The following ABHD3 variants were observed in gnomAD, a reference collection of about 807,000 sequenced individuals.
ABHD3 encodes phospholipase ABHD3.
A neutral mutation model predicts 48.8 loss-of-function variants in ABHD3; 46 were observed. The ratio of observed to expected loss-of-function variants is 0.94; its 90% CI spans 0.74 to 1.20. ABHD3 has a LOEUF of 1.20. Ranked by LOEUF, ABHD3 falls within the 50% of genes most tolerant of loss-of-function variation. The pLI, the probability that ABHD3 is intolerant of heterozygous loss-of-function variation, is 0.00. For synonymous variants in ABHD3, 192 were observed against 183.7 expected, an observed-to-expected ratio of 1.04 and a Z score of -0.36; for missense variants, 490 against 497.8, an observed-to-expected ratio of 0.98 and a Z score of 0.15.
chr18:21,694,053 T>A (rs2040312102), intron 3 of ABHD3, among the ~76,000 whole-genome samples: 1 of 152,166 alleles, frequency 6.6e-6, no homozygotes, highest in Non-Finnish European at 1.5e-5. Context: ...TCAAATGACA[T>A]TTACTTGCTA....
intron 4 of ABHD3, among the ~76,000 whole-genome samples, chr18:21,675,514 A>G (rs1251556213): frequency 1.3e-5 from 2 of 151,658 alleles, no homozygotes; most frequent in Non-Finnish European, 2.9e-5. Context: ...TGATCCACCC[A>G]CCTTGGCCTC....
intron 4 of ABHD3, among the ~76,000 whole-genome samples, chr18:21,676,148 G>A (rs1040841530): frequency 2.6e-5 from 4 of 152,142 alleles, no homozygotes; most frequent in Non-Finnish European, 5.9e-5. Flanking sequence ...GAATGCTGGG[G>A]CAGGGAACAC....
intron 3 of ABHD3, among the ~76,000 whole-genome samples, chr18:21,690,885 C>T (rs1275516050): frequency 6.7e-6 from 1 of 150,370 alleles, no homozygotes; most frequent in Non-Finnish European, 1.5e-5. Context: ...ATCTCAGCTA[C>T]TTGGGAGGCT....
intron 3 of ABHD3, among the ~76,000 whole-genome samples, chr18:21,687,294 C>T (rs868288707): frequency 1.3e-5 from 2 of 151,906 alleles, no homozygotes; most frequent in African/African-American, 2.4e-5. Context: ...CTGCAAGCTC[C>T]GCCTCCTGGG....
At position 21,693,247 on chromosome 18, in the gene ABHD3, G is replaced by C. The variant is rs572076709; in HGVS notation, c.509+9069C>G. ...TAACAAAATGTTTGCCATAGGCCCT[G>C]TACTAGTCAACATTCTTTATACACA... is the stretch of plus-strand genomic sequence containing the variant. On this transcript the variant is annotated intron_variant, in intron 3 of 8. Transcript: ENST00000289119. Among the ~76,000 whole-genome samples, 8 of 152,336 alleles carry C rather than the reference G, an allele frequency of 5.3e-5. 1 individual carries two copies. The South Asian group carries it at 1.7e-3, about 32-fold the overall frequency.
At chr18:21,658,499 A>G (rs2039407388) in intron 6 of ABHD3, among the ~76,000 whole-genome samples, 1 of 152,208 alleles carries the variant, frequency 6.6e-6, no homozygotes, top group African/African-American at 2.4e-5. Flanking sequence ...AACACATTCC[A>G]TACTAACATT....
chr18:21,703,908 C>G (rs1007973015), intron 1 of ABHD3, 161 bp from the exon 2 acceptor site: 6 of 701,868 alleles, frequency 8.5e-6, no homozygotes, highest in Non-Finnish European at 1.2e-5. Context: ...AGGACTGAAA[C>G]GGGGGTTTCG....
At position 21,665,254 on chromosome 18, in the gene ABHD3, T is replaced by C. The variant is rs370020225; in HGVS notation, c.556-1024A>G. On this transcript the variant is annotated intron_variant, in intron 4 of 8. Transcript: ENST00000289119. ...GCCACCACGTCTGGCCAAAAAAAAT[T>C]TTTTTGAGACATGGTCCTGCTCTGT... 2.5e-4 allele frequency among the ~76,000 whole-genome samples: 38 copies of C among 151,926 alleles called. No individual in the cohort carries two copies. The East Asian group carries it at 7.4e-3, about 30-fold the overall frequency.
At chr18:21,689,841 G>C (rs1204711064) in intron 3 of ABHD3, among the ~76,000 whole-genome samples, 2 of 152,100 alleles carry the variant, frequency 1.3e-5, no homozygotes, top group African/African-American at 4.8e-5. Context: ...TGAAGTTTGA[G>C]TGCAGCCAAG....
In ABHD3 at chr18:21,704,496, C is replaced by T. The variant is rs1248148586; in HGVS notation, c.162+8G>A. The T allele has an allele frequency of 1.4e-6, 2 of 1,412,750 alleles. No homozygotes were observed. Among genetic ancestry groups the T allele is most frequent in the Admixed American group, 5.7e-5 (2 of 35,144 alleles). 87.5% of individuals were successfully genotyped at this position (1,412,750 alleles called of 1,614,324 possible). On this transcript the variant is annotated splice_region_variant and intron_variant, in intron 1 of 8. Transcript: ENST00000289119. ...GCAGCCCGCGGCCCTGCGCCACCCC[C>T]GGCTCACCTTGGCAATGCTGCTCAG... is the stretch of plus-strand genomic sequence containing the variant.
At position 21,656,828 on chromosome 18, in the gene ABHD3, A is replaced by G. The variant is rs935198798; in HGVS notation, c.1057+33T>C. 1.1e-5 allele frequency: 17 copies of G among 1,516,492 alleles called. No homozygotes were observed. In the Admixed American group the frequency reaches 3.5e-4, roughly 31 times the overall value. The allele number at this position is 1,516,492 out of a possible 1,614,324, so 93.9% of individuals were successfully genotyped here. On this transcript the variant is annotated intron_variant, in intron 8 of 8. Transcript: ENST00000289119. Reference sequence around the variant, plus strand: ...ATAACAATATATTAAAAGTTGATTCATGTCAAAATATATACAAATATGTTA... The same window carrying G: ...ATAACAATATATTAAAAGTTGATTCGTGTCAAAATATATACAAATATGTTA...
At chr18:21,695,391 T>C (rs2040347824) in intron 3 of ABHD3, among the ~76,000 whole-genome samples, 1 of 152,148 alleles carries the variant, frequency 6.6e-6, no homozygotes, top group Non-Finnish European at 1.5e-5. Flanking sequence ...CAAGCAAAAG[T>C]GGTGTGCACA....
chr18:21,661,102 TAAAA>T (rs35710540), intron 5 of ABHD3, among the ~76,000 whole-genome samples: 2 of 57,224 alleles, frequency 3.5e-5, no homozygotes, highest in Admixed American at 2.1e-4. Flanking sequence ...AACTACAAGC[TAAAA>T]AAAAAAAAAA....
chr18:21,691,844 A>C (rs1344056813), intron 3 of ABHD3, among the ~76,000 whole-genome samples: 1 of 152,232 alleles, frequency 6.6e-6, no homozygotes, highest in Admixed American at 6.5e-5. Context: ...TAAGAGCCTA[A>C]GGCATCCAAG....
intron 4 of ABHD3, among the ~76,000 whole-genome samples, chr18:21,676,771 A>T (rs533164758): frequency 6.6e-6 from 1 of 152,246 alleles, no homozygotes; most frequent in South Asian, 2.1e-4. Flanking sequence ...GAGTTGGTCC[A>T]CAGGATACAT....
At chr18:21,699,783 C>T (rs985027967) in intron 3 of ABHD3, among the ~76,000 whole-genome samples, 1 of 152,042 alleles carries the variant, frequency 6.6e-6, no homozygotes, top group African/African-American at 2.4e-5. Flanking sequence ...CGGGTTTAAG[C>T]GATTCTCCCT....
chr18:21,689,714 A>G (rs2040205179), intron 3 of ABHD3, among the ~76,000 whole-genome samples: 2 of 152,134 alleles, frequency 1.3e-5, no homozygotes, highest in African/African-American at 4.8e-5. Context: ...AGCTGGGCCC[A>G]AATCTCTAGT....
chr18:21,700,374 G>C (rs1413937252), intron 3 of ABHD3, among the ~76,000 whole-genome samples: 1 of 151,892 alleles, frequency 6.6e-6, no homozygotes, highest in Non-Finnish European at 1.5e-5. Flanking sequence ...ACAGGCGTGA[G>C]CCACTGTACC....
At chr18:21,657,249 G>A in intron 6 of ABHD3, 97 bp from the exon 7 acceptor site, 2 of 1,100,122 alleles carry the variant, frequency 1.8e-6, no homozygotes, top group Non-Finnish European at 2.6e-6. Context: ...CCTACCACAG[G>A]GCACAAAGTT....
Sources: gnomAD v4.1 joint callset for allele counts (sites outside exome capture counted in the v4.1 genomes callset) on GRCh38, gnomAD v4.1.1 for gene constraint, MANE v1.5 for transcripts, NCBI Gene and HGNC (gene_info 2026-07-23, HGNC 2026-07-21) for gene names.